CDH22: variants seen among roughly 807,000 people sequenced by gnomAD.
CDH22 encodes cadherin 22, also known as cadherin-22.
Under a neutral mutation model 58.4 loss-of-function variants are expected in CDH22, and 30 were observed. The observed-to-expected ratio is 0.51, with a 90% CI of 0.38 to 0.70. The LOEUF (loss-of-function observed/expected upper bound fraction) is 0.70. CDH22 is among the 30% of genes least tolerant of loss of function. The pLI is 0.00. For synonymous variants in CDH22, 513 were observed against 558.2 expected (o/e 0.92, Z 1.14); for missense variants, 1,014 against 1,233.9 (o/e 0.82, Z 2.67).
At position 46,292,916 on chromosome 20, in the gene CDH22, T is replaced by TTGTGTGTGTGTGTG. The variant is rs74176860; in HGVS notation, c.-400+15325_-400+15338dup. On this transcript the variant is annotated intron_variant, in intron 1 of 11. Transcript: ENST00000537909. ...CTTCTAGAAGAGCACCAGCCACTGGTTGTGTGTGTGTGTGTGTGTGTGTGT... is the reference window on the plus strand; with the variant it reads ...CTTCTAGAAGAGCACCAGCCACTGGTTGTGTGTGTGTGTGTGTGTGTGTGTGTGTGTGTGTGTGT... Among the ~76,000 whole-genome samples, 93 of 143,922 alleles carry TTGTGTGTGTGTGTG rather than the reference T, an allele frequency of 6.5e-4. 1 individual carries two copies. The highest frequency in any genetic ancestry group is 4.7e-3 in the East Asian group (23 of 4,878). 94.4% of individuals were successfully genotyped at this position (143,922 alleles called of 152,430 possible).
rs552239735 is a variant in CDH22 at position 46,291,505 on chromosome 20, C to T, written c.-400+16750G>A. Reference sequence around the variant, plus strand: ...TTGCATAAGATCCCATAGCCCTGAGCGGCCCTGCTGGCTCCAGAGCTGGCT... The same window carrying T: ...TTGCATAAGATCCCATAGCCCTGAGTGGCCCTGCTGGCTCCAGAGCTGGCT... On this transcript the variant is annotated intron_variant, in intron 1 of 11. Coordinates refer to ENST00000537909, the MANE Select transcript of CDH22 (RefSeq NM_021248.3). Among the ~76,000 whole-genome samples the T allele has an allele frequency of 2.6e-5, 4 of 152,328 alleles. No homozygotes were observed. The East Asian group carries it at 7.7e-4, about 29-fold the overall frequency.
At chr20:46,299,307 C>T (rs1307037630) in intron 1 of CDH22, among the ~76,000 whole-genome samples, 2 of 152,250 alleles carry the variant, frequency 1.3e-5, no homozygotes, top group African/African-American at 4.8e-5. Flanking sequence ...CTAGCTTCAA[C>T]ACACAGCTCA....
intron 1 of CDH22, among the ~76,000 whole-genome samples, chr20:46,267,309 C>T (rs1241726412): frequency 1.3e-5 from 2 of 152,186 alleles, no homozygotes; most frequent in Non-Finnish European, 2.9e-5. Flanking sequence ...TAACTGTGTG[C>T]CCAGCCCCGA....
At chr20:46,197,172 C>T (rs2085910333) in intron 8 of CDH22, among the ~76,000 whole-genome samples, 1 of 152,090 alleles carries the variant, frequency 6.6e-6, no homozygotes, top group Non-Finnish European at 1.5e-5. Context: ...TTTGCCAGTG[C>T]ACATCTTTGG....
rs33937889 is a variant in CDH22, at chr20:46,178,586, CT to C, written c.1664-390del. Among the ~76,000 whole-genome samples the C allele has an allele frequency of 9.0e-3, 854 of 95,334 alleles. 5 individuals are homozygous for C. The highest frequency in any genetic ancestry group is 0.013 in the Non-Finnish European group (622 of 49,386). The allele number at this position is 95,334 out of a possible 152,430, so 62.5% of individuals were successfully genotyped here. On this transcript the variant is annotated intron_variant, in intron 10 of 11. Transcript: ENST00000537909. ...GCCAAGGTCCTGTCCCTGGCGTTGT[CT>C]TTTTTTTTTTTTTTTTTTTTGCCAT...
intron 8 of CDH22, among the ~76,000 whole-genome samples, chr20:46,192,918 C>A (rs1034896033): frequency 7.9e-5 from 12 of 152,020 alleles, no homozygotes; most frequent in Non-Finnish European, 2.9e-5. Flanking sequence ...TCCCCATGCC[C>A]CCCCCCAGTG....
At chr20:46,247,724 C>A (rs1319026698) in intron 2 of CDH22, among the ~76,000 whole-genome samples, 1 of 152,136 alleles carries the variant, frequency 6.6e-6, no homozygotes, top group East Asian at 1.9e-4. Flanking sequence ...GGATTTGAGC[C>A]CACGCAGTAC....
intron 3 of CDH22, among the ~76,000 whole-genome samples, chr20:46,228,852 T>A (rs2086199506): frequency 6.6e-6 from 1 of 152,162 alleles, no homozygotes; most frequent in African/African-American, 2.4e-5. Flanking sequence ...AGTGAGAATC[T>A]GGAAGTGCTA....
intron 8 of CDH22, among the ~76,000 whole-genome samples, chr20:46,193,541 T>A (rs1420752350): frequency 6.6e-6 from 1 of 152,132 alleles, no homozygotes; most frequent in East Asian, 1.9e-4. Context: ...ACGCCACTCT[T>A]CTGCTCAAAG....
Position 46,231,085 on chromosome 20 carries a change from C to T in CDH22, c.551-3458G>A, listed in dbSNP as rs114858402. On this transcript the variant is annotated intron_variant, in intron 3 of 11. Coordinates refer to ENST00000537909, the MANE Select transcript of CDH22 (RefSeq NM_021248.3). ...AGATTCTCCCTCCCCTACAGCTGGT[C>T]CAAGCCCAGACTTCCAGAAGTAGAG... is the stretch of plus-strand genomic sequence containing the variant. Among the ~76,000 whole-genome samples, 689 of 152,272 alleles carry T rather than the reference C, an allele frequency of 4.5e-3. 9 individuals are homozygous for T. Among genetic ancestry groups the T allele is most frequent in the African/African-American group, 0.016 (658 of 41,536 alleles).
chr20:46,214,095 G>A (rs1446011732), intron 5 of CDH22, among the ~76,000 whole-genome samples: 2 of 152,068 alleles, frequency 1.3e-5, no homozygotes, highest in Non-Finnish European at 2.9e-5. Flanking sequence ...CAGATATTTG[G>A]GAAAGAGTAT....
Position 46,210,228 on chromosome 20 carries a change from C to T in CDH22, c.1286+79G>A. 2 of 1,314,338 alleles carry T rather than the reference C, an allele frequency of 1.5e-6. No homozygotes were observed. The highest frequency in any genetic ancestry group is 1.9e-6 in the Non-Finnish European group (2 of 1,025,992). 81.4% of individuals were successfully genotyped at this position (1,314,338 alleles called of 1,614,324 possible). On this transcript the variant is annotated intron_variant, in intron 7 of 11. Transcript: ENST00000537909. The surrounding 1 kb of genome is among the most constrained non-coding windows in gnomAD (Gnocchi z 4.5). ...CGGCCCTGCCCGCCCCAGCCCTCCT[C>T]CCCTCTGCCCGCAGTCTGTCCGCGG... is the stretch of plus-strand genomic sequence containing the variant.
chr20:46,194,604 C>T (rs1297941289), intron 8 of CDH22, among the ~76,000 whole-genome samples: 1 of 152,236 alleles, frequency 6.6e-6, no homozygotes, highest in Admixed American at 6.5e-5. Context: ...GTCAGGCACA[C>T]AGTAGGCACC....
At chr20:46,189,369 G>T (rs1458759128) in intron 8 of CDH22, among the ~76,000 whole-genome samples, 1 of 152,152 alleles carries the variant, frequency 6.6e-6, no homozygotes, top group Admixed American at 6.5e-5. Flanking sequence ...GGAAGAGGGG[G>T]GTGAGGCCCA....
chr20:46,288,974 C>A (rs991622654), intron 1 of CDH22, among the ~76,000 whole-genome samples: 1 of 152,226 alleles, frequency 6.6e-6, no homozygotes, highest in African/African-American at 2.4e-5. Context: ...TCTCAAAATT[C>A]TTTTGGCTTC....
Position 46,293,490 on chromosome 20 carries a change from TA to T in CDH22, c.-400+14764del, listed in dbSNP as rs370811019. Reference sequence around the variant, plus strand: ...TGAATGTGCAGTCTCCGACCCAAGATAGGGGTGGCTGGGGGTAGGGGGAGAA... The same window carrying T: ...TGAATGTGCAGTCTCCGACCCAAGATGGGGTGGCTGGGGGTAGGGGGAGAA... On this transcript the variant is annotated intron_variant, in intron 1 of 11. Coordinates refer to ENST00000537909, the MANE Select transcript of CDH22 (RefSeq NM_021248.3). Among the ~76,000 whole-genome samples the T allele has an allele frequency of 1.4e-3, 216 of 150,988 alleles. 1 individual carries two copies. Among genetic ancestry groups the T allele is most frequent in the Non-Finnish European group, 1.7e-3 (117 of 67,832 alleles).
At chr20:46,265,161 A>G (rs1283501382) in intron 1 of CDH22, among the ~76,000 whole-genome samples, 1 of 152,182 alleles carries the variant, frequency 6.6e-6, no homozygotes, top group Non-Finnish European at 1.5e-5. Context: ...AGTGATCAGG[A>G]CAAATTGAAT....
chr20:46,207,012 T>G (rs2145682332), intron 7 of CDH22, among the ~76,000 whole-genome samples: 1 of 152,324 alleles, frequency 6.6e-6, no homozygotes, highest in African/African-American at 2.4e-5. Context: ...TTTCCATTTT[T>G]GTACCCCACA....
intron 3 of CDH22, among the ~76,000 whole-genome samples, chr20:46,234,227 T>C (rs1044898102): frequency 3.3e-5 from 5 of 152,292 alleles, no homozygotes; most frequent in Middle Eastern, 3.4e-3. Flanking sequence ...ATTAGGGATG[T>C]GAAAGTGATT....
Sources: allele counts gnomAD v4.1 joint callset (sites outside exome capture counted in the v4.1 genomes callset), GRCh38; gene constraint gnomAD v4.1.1; non-coding constraint Gnocchi (gnomAD v3.1); transcripts MANE v1.5; gene names NCBI Gene and HGNC (gene_info 2026-07-23, HGNC 2026-07-21).